Variants in HSD17B4 observed in about 807,000 individuals in gnomAD.
HSD17B4 encodes hydroxysteroid 17-beta dehydrogenase 4.
Under a neutral mutation model 101.0 loss-of-function variants are expected in HSD17B4, and 70 were observed. The ratio of observed to expected loss-of-function variants is 0.69; its 90% CI spans 0.57 to 0.85. The LOEUF (loss-of-function observed/expected upper bound fraction) is 0.85. HSD17B4 is among the 40% of genes least tolerant of loss of function. HSD17B4 has a pLI of 0.00. For synonymous variants in HSD17B4, 347 were observed against 297.1 expected (o/e 1.17, Z -1.73); for missense variants, 984 against 892.4 (o/e 1.10, Z -1.31).
At chr5:119,527,252 G>A in intron 20 of HSD17B4, 33 bp downstream of exon 20, 1 of 1,174,772 alleles carries the variant, frequency 8.5e-7, no homozygotes, top group Non-Finnish European at 1.3e-6. Flanking sequence ...CTTCTCACAT[G>A]CTTTATCATT....
At chr5:119,459,013 A>T (rs1754951213) in intron 2 of HSD17B4, among the ~76,000 whole-genome samples, 1 of 152,254 alleles carries the variant, frequency 6.6e-6, no homozygotes, top group Admixed American at 6.5e-5. Flanking sequence ...CTTGAACTGA[A>T]GTAACACCTT....
At chr5:119,469,693 G>T (rs1209781819) in intron 2 of HSD17B4, among the ~76,000 whole-genome samples, 1 of 152,192 alleles carries the variant, frequency 6.6e-6, no homozygotes, top group Non-Finnish European at 1.5e-5. Flanking sequence ...ATTGATATTT[G>T]TGTGTCTAGT....
chr5:119,517,437 C>T (rs908200523), intron 17 of HSD17B4, among the ~76,000 whole-genome samples: 11 of 152,206 alleles, frequency 7.2e-5, no homozygotes, highest in African/African-American at 2.7e-4. Context: ...GGAGTGCCAC[C>T]CCCTGCTCCA....
At chr5:119,460,625 T>C (rs572977586) in intron 2 of HSD17B4, among the ~76,000 whole-genome samples, 1 of 152,320 alleles carries the variant, frequency 6.6e-6, no homozygotes, top group Non-Finnish European at 1.5e-5. Context: ...CATTTATTCA[T>C]CTAACATGTA....
chr5:119,479,511 C>T (rs1748916293), intron 8 of HSD17B4, among the ~76,000 whole-genome samples: 1 of 152,070 alleles, frequency 6.6e-6, no homozygotes, highest in Admixed American at 6.6e-5. Flanking sequence ...CACTGGGATT[C>T]ACCCTTTGTG....
intron 17 of HSD17B4, among the ~76,000 whole-genome samples, chr5:119,517,421 C>G (rs1223706546): frequency 6.6e-6 from 1 of 152,210 alleles, no homozygotes; most frequent in Non-Finnish European, 1.5e-5. Flanking sequence ...GCTCGAGCCT[C>G]CCTGAGGAGT....
At chr5:119,452,778 C>T (rs994457092) in intron 1 of HSD17B4, 145 bp downstream of exon 1, 2 of 1,558,290 alleles carry the variant, frequency 1.3e-6, no homozygotes, top group Non-Finnish European at 1.7e-6. Context: ...GGCACCGCAT[C>T]TCTTGAGGAG....
intron 14 of HSD17B4, among the ~76,000 whole-genome samples, chr5:119,505,009 C>A (rs1751518371): frequency 6.6e-6 from 1 of 152,104 alleles, no homozygotes; most frequent in Non-Finnish European, 1.5e-5. Flanking sequence ...AATAGGGAGT[C>A]CTTTCCCCAT....
chr5:119,479,034 G>C lies in HSD17B4; in HGVS notation c.622+13G>C. The C allele has an allele frequency of 6.2e-7, 1 of 1,605,530 alleles. No homozygotes were observed. The highest frequency in any genetic ancestry group is 8.5e-7 in the Non-Finnish European group (1 of 1,172,410). On this transcript the variant is annotated intron_variant, in intron 8 of 23. Transcript: ENST00000510025. Reference sequence around the variant, plus strand: ...GTTATGCCTGAAGGTAAGTAAGCAAGCTTATATTTTTCAGTGCTGTTACTT... The same window carrying C: ...GTTATGCCTGAAGGTAAGTAAGCAACCTTATATTTTTCAGTGCTGTTACTT...
At chr5:119,505,190 TG>T (rs543058360) in intron 14 of HSD17B4, among the ~76,000 whole-genome samples, 320 of 103,466 alleles carry the variant, frequency 3.1e-3, no homozygotes, top group Middle Eastern at 0.014. Context: ...CTTCCAGCTT[TG>T]TTTTTTTTTT....
rs1435346363 is a variant in HSD17B4 at position 119,477,311 on chromosome 5, A to T, written c.350-106A>T. 6 of 782,388 alleles carry T rather than the reference A, an allele frequency of 7.7e-6. No individual in the cohort carries two copies. The African/African-American group carries it at 8.7e-5, about 11-fold the overall frequency. The allele number at this position is 782,388 out of a possible 1,614,324, so 48.5% of individuals were successfully genotyped here. A position where few individuals can be genotyped will look rare whatever the true frequency, so the allele number is the denominator to read the frequency against. ...GTGACAGTAGGCAATTTTATACATT[A>T]GGTATAAAATGAACATCTTTGTATA... On this transcript the variant is annotated intron_variant, in intron 6 of 23. Transcript: ENST00000510025.
chr5:119,479,977 G>A (rs1472674042), intron 8 of HSD17B4, among the ~76,000 whole-genome samples: 1 of 152,208 alleles, frequency 6.6e-6, no homozygotes, highest in East Asian at 1.9e-4. Flanking sequence ...GAGAGTTCTT[G>A]TTGCTTCACA....
rs1481425721 is a variant in HSD17B4 at position 119,514,994 on chromosome 5, T to C, written c.1451T>C (p.Ile484Thr). ...TCTTAATTTTAGGTAGCTGTAGCCA[T>C]ACCTAATAGACCTCCTGATGCTGTA... The part of the protein sequence containing the change: ...TSDKVKVAVA[I>T]PNRPPDAVLT... The change falls in exon 17 of 24, where the codon ATA becomes ACA. Residue 484 changes from isoleucine (I) to threonine (T), a missense_variant. Physicochemically the swap from Ile to Thr is moderately conservative, Grantham distance 89 (BLOSUM62 -1). Coordinates refer to ENST00000510025, the MANE Select transcript of HSD17B4 (RefSeq NM_000414.4). 1 of 1,562,526 alleles carries C rather than the reference T, an allele frequency of 6.4e-7. No homozygotes were observed. Among genetic ancestry groups the C allele is most frequent in the Non-Finnish European group, 8.8e-7 (1 of 1,133,164 alleles).
Position 119,536,408 on chromosome 5 carries a change from TC to T in HSD17B4, c.1994-13del. ...GAGAAAAAGATACACATTGGTTTCT[TC>T]CTATTTTTCCCAGCTATTGACCTGA... On this transcript the variant is annotated splice_polypyrimidine_tract_variant and intron_variant, in intron 22 of 23. Transcript: ENST00000510025. 1 of 1,611,066 alleles carries T rather than the reference TC, an allele frequency of 6.2e-7. No individual in the cohort carries two copies. The highest frequency in any genetic ancestry group is 8.5e-7 in the Non-Finnish European group (1 of 1,177,618).
At chr5:119,530,252 C>G (rs935450568) in intron 21 of HSD17B4, among the ~76,000 whole-genome samples, 4 of 152,074 alleles carry the variant, frequency 2.6e-5, no homozygotes, top group Non-Finnish European at 5.9e-5. Flanking sequence ...GTTGTTTAAT[C>G]AGAATCTTAA....
intron 2 of HSD17B4, 68 bp from the exon 3 acceptor site, chr5:119,473,840 A>G (rs201082709): frequency 7.0e-5 from 11 of 156,188 alleles, no homozygotes; most frequent in Admixed American, 1.2e-4. Context: ...TTCATTTTCC[A>G]CACACACACA....
At chr5:119,460,645 C>G (rs1411943373) in intron 2 of HSD17B4, among the ~76,000 whole-genome samples, 1 of 152,074 alleles carries the variant, frequency 6.6e-6, no homozygotes, top group Admixed American at 6.5e-5. Flanking sequence ...ATTTATTAAG[C>G]GTCTATTATG....
intron 17 of HSD17B4, among the ~76,000 whole-genome samples, 185 bp downstream of exon 17, chr5:119,515,231 A>T (rs1356643917): frequency 6.6e-6 from 1 of 152,092 alleles, no homozygotes; most frequent in African/African-American, 2.4e-5. Flanking sequence ...TTAGTTATTA[A>T]TGTTTTCCCA....
At chr5:119,499,853 G>A (rs1751000482) in intron 13 of HSD17B4, among the ~76,000 whole-genome samples, 1 of 152,018 alleles carries the variant, frequency 6.6e-6, no homozygotes, top group African/African-American at 2.4e-5. Flanking sequence ...AACATCTCTA[G>A]GCTTCAGTTT....
Sources: gnomAD v4.1 joint callset for allele counts (sites outside exome capture counted in the v4.1 genomes callset) on GRCh38, gnomAD v4.1.1 for gene constraint, MANE v1.5 for transcripts, NCBI Gene and HGNC (gene_info 2026-07-23, HGNC 2026-07-21) for gene names.